Variants in MBNL2 observed in about 807,000 individuals in gnomAD.
The protein encoded by MBNL2 is muscleblind-like protein 2.
In MBNL2, 17 loss-of-function variants were observed where a neutral mutation model predicts 41.9. The ratio of observed to expected loss-of-function variants is 0.41; its 90% CI spans 0.28 to 0.61. The LOEUF is 0.61. Among genes scored for constraint, MBNL2 ranks in the 20% least tolerant of loss-of-function variants. MBNL2 has a pLI of 0.35. For synonymous variants in MBNL2, 195 were observed against 182.9 expected (o/e 1.07, Z -0.53); for missense variants, 336 against 505.6 (o/e 0.66, Z 3.22).
the MBNL2 span, among the ~76,000 whole-genome samples, chr13:97,183,371 G>A: frequency 2.0e-5 from 3 of 152,044 alleles, no homozygotes; most frequent in African/African-American, 7.2e-5. Flanking sequence ...TAATCACATT[G>A]AACTTAAGAA....
chr13:97,201,879 A>T, the MBNL2 span, among the ~76,000 whole-genome samples: 1 of 152,204 alleles, frequency 6.6e-6, no homozygotes, highest in East Asian at 1.9e-4. Flanking sequence ...GTCTCATTTG[A>T]TCAAACACCA....
chr13:97,166,282 G>A, the MBNL2 span, among the ~76,000 whole-genome samples: 1 of 152,204 alleles, frequency 6.6e-6, no homozygotes, highest in Non-Finnish European at 1.5e-5. Flanking sequence ...CTTGTGGTCT[G>A]TTAACATATT....
At chr13:97,347,178 C>A in intron 5 of MBNL2, 111 bp downstream of exon 5, 1 of 832,682 alleles carries the variant, frequency 1.2e-6, no homozygotes, top group Non-Finnish European at 1.8e-6. Flanking sequence ...GGCTGCTATT[C>A]CTGCTGCTCC....
At chr13:97,167,973 A>T in the MBNL2 span, among the ~76,000 whole-genome samples, 52 of 151,588 alleles carry the variant, frequency 3.4e-4, 1 homozygote, top group Admixed American at 2.0e-3. Context: ...ATATATATAT[A>T]TTTTTTTTTG....
intron 3 of MBNL2, among the ~76,000 whole-genome samples, chr13:97,336,669 A>C (rs889987958): frequency 6.6e-6 from 1 of 152,194 alleles, no homozygotes; most frequent in African/African-American, 2.4e-5. Context: ...GAGGGAGGGC[A>C]GTCCTACCAA....
In MBNL2 at chr13:97,391,548, C is replaced by A; in HGVS notation, c.*99C>A. ...ATATGGTATGCTTAGTATATTCCAACCTAAGATAGTTAACTACCTGAGACC... is the reference window on the plus strand; with the variant it reads ...ATATGGTATGCTTAGTATATTCCAAACTAAGATAGTTAACTACCTGAGACC... On this transcript the variant is annotated 3_prime_UTR_variant, in exon 9 of 9. Transcript: ENST00000679496. The A allele has an allele frequency of 1.4e-6, 1 of 700,244 alleles. No individual in the cohort carries two copies. The highest frequency in any genetic ancestry group is 1.7e-5 in the South Asian group (1 of 60,228). The allele number at this position is 700,244 out of a possible 1,614,324, so 43.4% of individuals were successfully genotyped here.
the MBNL2 span, among the ~76,000 whole-genome samples, chr13:97,159,569 G>T: frequency 6.6e-6 from 1 of 151,936 alleles, no homozygotes; most frequent in African/African-American, 2.4e-5. Flanking sequence ...GCTTCCTTCA[G>T]GAGCTCTTTT....
At chr13:97,202,127 G>A in the MBNL2 span, among the ~76,000 whole-genome samples, 1 of 152,188 alleles carries the variant, frequency 6.6e-6, no homozygotes, top group Non-Finnish European at 1.5e-5. Context: ...ATATTGAAAT[G>A]TTTGTAGTTG....
the MBNL2 span, among the ~76,000 whole-genome samples, chr13:97,152,674 C>G: frequency 6.6e-6 from 1 of 152,140 alleles, no homozygotes; most frequent in Non-Finnish European, 1.5e-5. Context: ...CTATTCTATA[C>G]CTAGCCATAT....
At chr13:97,215,023 C>T in the MBNL2 span, among the ~76,000 whole-genome samples, 1,258 of 152,362 alleles carry the variant, frequency 8.3e-3, 16 homozygotes, top group African/African-American at 0.029. Context: ...TCAGAGTGTT[C>T]TTTCTTTGGC....
chr13:97,296,260 A>G (rs2056991760), intron 2 of MBNL2, among the ~76,000 whole-genome samples: 1 of 152,194 alleles, frequency 6.6e-6, no homozygotes, highest in African/African-American at 2.4e-5. Flanking sequence ...ACTTTTTATT[A>G]GCCAGTCCAA....
intron 3 of MBNL2, among the ~76,000 whole-genome samples, chr13:97,341,549 C>T (rs542582130): frequency 1.6e-4 from 24 of 152,228 alleles, no homozygotes; most frequent in African/African-American, 5.8e-4. Flanking sequence ...ATCTATTTCC[C>T]ACATTCAGAC....
intron 5 of MBNL2, among the ~76,000 whole-genome samples, chr13:97,348,713 G>A (rs910538193): frequency 6.6e-6 from 1 of 152,176 alleles, no homozygotes; most frequent in African/African-American, 2.4e-5. Flanking sequence ...CCTCCCTCAA[G>A]AAGGAGAGCT....
upstream of MBNL2, among the ~76,000 whole-genome samples, chr13:97,217,097 T>C (rs536447278): frequency 2.0e-5 from 3 of 148,462 alleles, no homozygotes; most frequent in South Asian, 6.3e-4. Flanking sequence ...ATATGATATA[T>C]ACATATCATA....
At chr13:97,233,173 A>ATC (rs2042687297) in intron 1 of MBNL2, among the ~76,000 whole-genome samples, 1 of 102,838 alleles carries the variant, frequency 9.7e-6, no homozygotes, top group Admixed American at 1.1e-4. Context: ...ATATATATAT[A>ATC]TATCTTTTTA....
chr13:97,392,713 T>A lies in MBNL2; in HGVS notation c.*1264T>A, dbSNP rs2066412527. The A allele has an allele frequency of 6.6e-6, 1 of 152,518 alleles. No homozygotes were observed. Among genetic ancestry groups the A allele is most frequent in the African/African-American group, 2.4e-5 (1 of 41,446 alleles). 9.4% of individuals were successfully genotyped at this position (152,518 alleles called of 1,614,324 possible). ...TTGTTTTAAAGTTTATTTTAAGCACTATCGTACCAAATATTTCATATTTCA... is the reference window on the plus strand; with the variant it reads ...TTGTTTTAAAGTTTATTTTAAGCACAATCGTACCAAATATTTCATATTTCA... On this transcript the variant is annotated 3_prime_UTR_variant, in exon 9 of 9. Coordinates refer to ENST00000679496, the MANE Select transcript of MBNL2 (RefSeq NM_001382683.1).
chr13:97,184,823 T>G, the MBNL2 span, among the ~76,000 whole-genome samples: 1 of 152,172 alleles, frequency 6.6e-6, no homozygotes, highest in Admixed American at 6.5e-5. Flanking sequence ...CTGTCTGCAG[T>G]TGGCAATAAT....
At chr13:97,259,827 T>C (rs964998544) in intron 1 of MBNL2, among the ~76,000 whole-genome samples, 18 of 152,186 alleles carry the variant, frequency 1.2e-4, no homozygotes, top group East Asian at 1.2e-3. Context: ...ATCGAGAAGA[T>C]GGAACAGAGC....
chr13:97,377,227 A>G (rs184275526), intron 8 of MBNL2, among the ~76,000 whole-genome samples: 8 of 152,352 alleles, frequency 5.3e-5, no homozygotes, highest in African/African-American at 1.9e-4. Flanking sequence ...GCTCAAGATC[A>G]TACTATAACA....
Sources: gnomAD v4.1 joint callset for allele counts (sites outside exome capture counted in the v4.1 genomes callset) on GRCh38, gnomAD v4.1.1 for gene constraint, MANE v1.5 for transcripts, NCBI Gene and HGNC (gene_info 2026-07-23, HGNC 2026-07-21) for gene names.